The following CMTM8 variants were observed in gnomAD, a reference collection of about 807,000 sequenced individuals.
CMTM8 encodes the protein CKLF like MARVEL transmembrane domain containing 8.
CMTM8 carries 12 observed loss-of-function variants against 18.6 expected under a neutral mutation model. That is an observed-to-expected ratio of 0.65 (90% CI 0.41 to 1.05). The LOEUF (loss-of-function observed/expected upper bound fraction) is 1.05. CMTM8 is among the 50% of genes least tolerant of loss of function. CMTM8 has a pLI of 0.00. For missense variants in CMTM8, 217 were observed against 227.2 expected (o/e 0.95, Z 0.29); for synonymous variants, 87 against 90.6 (o/e 0.96, Z 0.23).
At chr3:32,327,542 T>G (rs1270631191) in intron 1 of CMTM8, among the ~76,000 whole-genome samples, 2 of 152,248 alleles carry the variant, frequency 1.3e-5, no homozygotes, top group African/African-American at 4.8e-5. Context: ...GAATTTGAAT[T>G]TGAGACTCCC....
At chr3:32,254,493 G>A (rs1314149927) in intron 1 of CMTM8, among the ~76,000 whole-genome samples, 2 of 151,918 alleles carry the variant, frequency 1.3e-5, no homozygotes, top group Non-Finnish European at 2.9e-5. Context: ...TGATTATTTA[G>A]AATTCTTAGT....
intron 1 of CMTM8, among the ~76,000 whole-genome samples, chr3:32,346,919 C>T (rs1696606014): frequency 6.6e-6 from 1 of 151,596 alleles, no homozygotes; most frequent in Non-Finnish European, 1.5e-5. Flanking sequence ...CTCCTGGGCT[C>T]AAGCAACCCT....
chr3:32,298,825 ATGTGTATATATATGTGTG>A (rs1695540626), intron 1 of CMTM8, among the ~76,000 whole-genome samples: 1 of 90,232 alleles, frequency 1.1e-5, no homozygotes, highest in South Asian at 3.2e-4. Flanking sequence ...ACACGTGTGT[ATGTGTATATATATGTGTG>A]TGTGTATATA....
chr3:32,335,466 A>G (rs1696367813), intron 1 of CMTM8, among the ~76,000 whole-genome samples: 1 of 152,160 alleles, frequency 6.6e-6, no homozygotes, highest in South Asian at 2.1e-4. Context: ...CAGCATGGAA[A>G]TGTGTGCAGG....
At chr3:32,342,181 G>A (rs956674834) in intron 1 of CMTM8, among the ~76,000 whole-genome samples, 4 of 152,176 alleles carry the variant, frequency 2.6e-5, no homozygotes, top group African/African-American at 9.7e-5. Flanking sequence ...CCAGGAGGCG[G>A]AGGTTGCAGT....
At chr3:32,284,545 G>A (rs1702650657) in intron 1 of CMTM8, among the ~76,000 whole-genome samples, 1 of 152,148 alleles carries the variant, frequency 6.6e-6, no homozygotes, top group African/African-American at 2.4e-5. Flanking sequence ...AAAAATCCGA[G>A]TAGCCAACTA....
intron 1 of CMTM8, among the ~76,000 whole-genome samples, chr3:32,262,365 CATT>C (rs1702270492): frequency 6.6e-6 from 1 of 152,166 alleles, no homozygotes; most frequent in Non-Finnish European, 1.5e-5. Flanking sequence ...GAAGCTACAT[CATT>C]GTGTGGAACC....
chr3:32,292,405 C>T (rs1354297072), intron 1 of CMTM8, among the ~76,000 whole-genome samples: 1 of 152,200 alleles, frequency 6.6e-6, no homozygotes, highest in Non-Finnish European at 1.5e-5. Context: ...GAAGCCTCTC[C>T]TGTTTCCCAT....
At chr3:32,253,120 C>T (rs554612754) in intron 1 of CMTM8, among the ~76,000 whole-genome samples, 8 of 152,250 alleles carry the variant, frequency 5.3e-5, no homozygotes, top group African/African-American at 1.9e-4. Context: ...TATTCTTGTA[C>T]TCTTGGGATA....
At chr3:32,291,038 G>A (rs922261825) in intron 1 of CMTM8, among the ~76,000 whole-genome samples, 1 of 152,000 alleles carries the variant, frequency 6.6e-6, no homozygotes, top group African/African-American at 2.4e-5. Context: ...GTGAACCGCT[G>A]TGCCTGGCCA....
intron 1 of CMTM8, among the ~76,000 whole-genome samples, chr3:32,312,895 G>A (rs1370717): frequency 0.39 from 59,697 of 151,418 alleles, 12,962 homozygotes; most frequent in East Asian, 0.72. Flanking sequence ...CACCTTTATT[G>A]GTCCAGGGCT....
At chr3:32,356,438 A>G (rs971790437) in intron 1 of CMTM8, among the ~76,000 whole-genome samples, 1 of 152,202 alleles carries the variant, frequency 6.6e-6, no homozygotes, top group African/African-American at 2.4e-5. Flanking sequence ...CAAGACACCT[A>G]CAGTTTAGGT....
intron 1 of CMTM8, among the ~76,000 whole-genome samples, chr3:32,346,054 C>T (rs536559677): frequency 1.1e-4 from 17 of 152,110 alleles, no homozygotes; most frequent in South Asian, 4.2e-4. Context: ...CTTGGGAGGC[C>T]GAGGCAGGAG....
At chr3:32,291,046 C>T (rs1394843378) in intron 1 of CMTM8, among the ~76,000 whole-genome samples, 1 of 151,826 alleles carries the variant, frequency 6.6e-6, no homozygotes, top group Non-Finnish European at 1.5e-5. Context: ...CTGTGCCTGG[C>T]CAATTTTATT....
At chr3:32,253,983 T>C (rs1228721543) in intron 1 of CMTM8, among the ~76,000 whole-genome samples, 1 of 152,130 alleles carries the variant, frequency 6.6e-6, no homozygotes, top group Non-Finnish European at 1.5e-5. Context: ...AACCTCTGCC[T>C]CCCAGGTTCA....
intron 1 of CMTM8, among the ~76,000 whole-genome samples, chr3:32,256,521 A>G (rs1439365124): frequency 6.6e-6 from 1 of 152,138 alleles, no homozygotes; most frequent in East Asian, 1.9e-4. Flanking sequence ...GTCTTGCACT[A>G]CTACCCATGC....
chr3:32,298,847 G>GTA (rs1249586845), intron 1 of CMTM8, among the ~76,000 whole-genome samples: 4 of 114,276 alleles, frequency 3.5e-5, no homozygotes, highest in East Asian at 2.2e-4. Flanking sequence ...ATGTGTGTGT[G>GTA]TATATACACA....
At chr3:32,296,039 G>C (rs1702872905) in intron 1 of CMTM8, among the ~76,000 whole-genome samples, 1 of 152,090 alleles carries the variant, frequency 6.6e-6, no homozygotes, top group Non-Finnish European at 1.5e-5. Context: ...CTGTCTTCAG[G>C]AAACCATCCT....
At chr3:32,341,650 G>A (rs1320921608) in intron 1 of CMTM8, among the ~76,000 whole-genome samples, 1 of 151,938 alleles carries the variant, frequency 6.6e-6, no homozygotes, top group African/African-American at 2.4e-5. Context: ...GCCGAGGCAG[G>A]TGGATCACCT....
Sources: allele counts gnomAD v4.1 joint callset (sites outside exome capture counted in the v4.1 genomes callset), GRCh38; gene constraint gnomAD v4.1.1; transcripts MANE v1.5; gene names NCBI Gene and HGNC (gene_info 2026-07-23, HGNC 2026-07-21).